ROBO1: variants seen among roughly 807,000 people sequenced by gnomAD.
The protein encoded by ROBO1 is roundabout guidance receptor 1.
In ROBO1, 149 loss-of-function variants were observed where a neutral mutation model predicts 195.9. The observed-to-expected ratio is 0.76, with a 90% confidence interval of 0.67 to 0.87. The LOEUF (loss-of-function observed/expected upper bound fraction) is 0.87, where lower values mean the gene tolerates loss of function less well. ROBO1 is among the 40% of genes least tolerant of loss of function. The pLI is 0.00. For missense variants in ROBO1, 1,933 were observed against 2,068.3 expected (o/e 0.93, Z 1.27); for synonymous variants, 816 against 733.2 (o/e 1.11, Z -1.82).
At chr3:78,746,620 G>T in intron 5 of ROBO1, 123 bp downstream of exon 5, 2 of 750,126 alleles carry the variant, frequency 2.7e-6, no homozygotes, top group South Asian at 4.7e-5. Flanking sequence ...AAGAAAAGCT[G>T]AACATGGGAG....
chr3:79,718,448 C>G (rs546052191), intron 1 of ROBO1, among the ~76,000 whole-genome samples: 1 of 151,866 alleles, frequency 6.6e-6, no homozygotes, highest in Non-Finnish European at 1.5e-5. Context: ...GGATAAATAA[C>G]TATAAACTAT....
chr3:79,282,344 T>G (rs899939666), intron 2 of ROBO1, among the ~76,000 whole-genome samples: 4 of 152,202 alleles, frequency 2.6e-5, no homozygotes, highest in Non-Finnish European at 4.4e-5. Context: ...TTTATTCAAC[T>G]AACATTTTTT....
rs1464714141 is a variant in ROBO1, at chr3:78,667,906, A to T, written c.1943T>A (p.Ile648Lys). ...NAYGISDPSQ[I>K]SDPVKTQDVL... The stretch of plus-strand genomic sequence containing the variant: ...ACCTTGTGTTTTCACTGGATCTGAT[A>T]TTTGGCTTGGATCACTAATTCCATA... The change falls in exon 14 of 31, where the codon ATA (isoleucine) becomes AAA (lysine). Residue 648 changes from isoleucine to lysine, a missense_variant. Coordinates refer to ENST00000464233, the MANE Select transcript of ROBO1 (RefSeq NM_002941.4). 1 of 1,613,556 alleles carries T rather than the reference A, an allele frequency of 6.2e-7. No homozygotes were observed. The highest frequency in any genetic ancestry group is 1.3e-5 in the African/African-American group (1 of 74,888).
chr3:79,529,686 G>A (rs1013989434), intron 2 of ROBO1, among the ~76,000 whole-genome samples: 2 of 152,120 alleles, frequency 1.3e-5, no homozygotes, highest in Non-Finnish European at 2.9e-5. Flanking sequence ...CACAATTTTA[G>A]ACTTCTGAAG....
intron 2 of ROBO1, among the ~76,000 whole-genome samples, chr3:79,200,720 A>G (rs1032863951): frequency 6.6e-6 from 1 of 151,932 alleles, no homozygotes; most frequent in Non-Finnish European, 1.5e-5. Flanking sequence ...TGAAAAGTCC[A>G]TTAACTGTGA....
At chr3:78,683,251 T>C (rs1253780259) in intron 10 of ROBO1, among the ~76,000 whole-genome samples, 18 of 152,022 alleles carry the variant, frequency 1.2e-4, no homozygotes, top group Admixed American at 1.2e-3. Context: ...ATTAAAGACC[T>C]AAATAATTGA....
rs538875156 is a variant in ROBO1, at chr3:78,874,698, C to A, written c.499+63903G>T. 2.0e-5 allele frequency among the ~76,000 whole-genome samples: 3 copies of A among 151,868 alleles called. No homozygotes were observed. In the East Asian group the frequency reaches 5.8e-4, roughly 29 times the overall value. ...AATTTTAAAATATAAAAAATTTAAA[C>A]TAACAAGTTAGTCAGTTTTACTATT... On this transcript the variant is annotated intron_variant, in intron 4 of 30. Transcript: ENST00000464233.
At chr3:79,151,221 A>G (rs2080762845) in intron 2 of ROBO1, among the ~76,000 whole-genome samples, 2 of 151,758 alleles carry the variant, frequency 1.3e-5, no homozygotes, top group Admixed American at 6.6e-5. Context: ...TTTGTAAATT[A>G]CCCAGTCTCA....
chr3:79,342,334 G>A (rs1315070337), intron 2 of ROBO1, among the ~76,000 whole-genome samples: 13 of 152,142 alleles, frequency 8.5e-5, no homozygotes, highest in Non-Finnish European at 2.9e-5. Context: ...AACCAGCAAA[G>A]AAGTTATTGT....
At chr3:79,152,458 T>C (rs1380439046) in intron 2 of ROBO1, among the ~76,000 whole-genome samples, 1 of 151,802 alleles carries the variant, frequency 6.6e-6, no homozygotes, top group East Asian at 1.9e-4. Context: ...ATTTCTACTT[T>C]AAGACAAAGA....
At position 79,509,516 on chromosome 3, in the gene ROBO1, G is replaced by A. The variant is rs565243634; in HGVS notation, c.88+80308C>T. Among the ~76,000 whole-genome samples the A allele has an allele frequency of 2.6e-5, 4 of 152,224 alleles. No homozygotes were observed. In the East Asian group the frequency reaches 5.8e-4, roughly 22 times the overall value. On this transcript the variant is annotated intron_variant, in intron 2 of 30. Coordinates refer to ENST00000464233, the MANE Select transcript of ROBO1 (RefSeq NM_002941.4). The stretch of plus-strand genomic sequence containing the variant: ...GTCACATTCTATAATTCTAGGAACA[G>A]TCTTGAATTTATCATTTTAAAAATA...
At chr3:79,503,635 A>G (rs1429368715) in intron 2 of ROBO1, among the ~76,000 whole-genome samples, 1 of 152,206 alleles carries the variant, frequency 6.6e-6, no homozygotes, top group Non-Finnish European at 1.5e-5. Context: ...AAGGAGCAAG[A>G]TGATATAGGA....
intron 2 of ROBO1, among the ~76,000 whole-genome samples, chr3:79,314,760 T>C (rs2033657289): frequency 6.6e-6 from 1 of 152,202 alleles, no homozygotes; most frequent in African/African-American, 2.4e-5. Flanking sequence ...AAATTCCTGT[T>C]CTCACACAGT....
chr3:78,910,683 T>C (rs2038190058), intron 4 of ROBO1, among the ~76,000 whole-genome samples: 1 of 151,998 alleles, frequency 6.6e-6, no homozygotes, highest in Admixed American at 6.6e-5. Flanking sequence ...TCAAGTCAAC[T>C]AAGCAAATGT....
chr3:79,289,459 C>T (rs1025711708), intron 2 of ROBO1, among the ~76,000 whole-genome samples: 1 of 152,074 alleles, frequency 6.6e-6, no homozygotes, highest in African/African-American at 2.4e-5. Context: ...GCAAAGTAAA[C>T]TTTTAAACCA....
At chr3:79,721,959 T>A (rs1702721334) in intron 1 of ROBO1, among the ~76,000 whole-genome samples, 1 of 152,194 alleles carries the variant, frequency 6.6e-6, no homozygotes, top group Non-Finnish European at 1.5e-5. Flanking sequence ...TTAACGAGAA[T>A]GATTCTAATG....
At chr3:78,969,934 C>A (rs2076726683) in intron 3 of ROBO1, among the ~76,000 whole-genome samples, 1 of 151,958 alleles carries the variant, frequency 6.6e-6, no homozygotes, top group South Asian at 2.1e-4. Flanking sequence ...CACACAAAAA[C>A]AAAAAGATAG....
chr3:79,227,909 A>T (rs2082255614), intron 2 of ROBO1, among the ~76,000 whole-genome samples: 1 of 152,192 alleles, frequency 6.6e-6, no homozygotes, highest in South Asian at 2.1e-4. Context: ...CTTAGATTTA[A>T]TGGGAAACCG....
chr3:79,693,139 G>T (rs1947342636), intron 1 of ROBO1, among the ~76,000 whole-genome samples: 1 of 151,426 alleles, frequency 6.6e-6, no homozygotes, highest in Non-Finnish European at 1.5e-5. Flanking sequence ...GATTTGAAAG[G>T]CCCTAACCAA....
Sources: gnomAD v4.1 joint callset for allele counts (sites outside exome capture counted in the v4.1 genomes callset) on GRCh38, gnomAD v4.1.1 for gene constraint, MANE v1.5 for transcripts, NCBI Gene and HGNC (gene_info 2026-07-23, HGNC 2026-07-21) for gene names.